The following FGF12 variants were observed in gnomAD, a reference collection of about 807,000 sequenced individuals.
FGF12 encodes fibroblast growth factor 12.
In FGF12, 14 loss-of-function variants were observed where a neutral mutation model predicts 23.6. That is an observed-to-expected ratio of 0.59 (90% CI 0.39 to 0.93). The LOEUF is 0.93. Ranked by LOEUF, FGF12 falls within the 40% of genes least tolerant of loss-of-function variation. The pLI is 0.00. For missense variants in FGF12, 175 were observed against 217.8 expected, an observed-to-expected ratio of 0.80 and a Z score of 1.24; for synonymous variants, 62 against 77.3, an observed-to-expected ratio of 0.80 and a Z score of 1.04.
At chr3:192,458,472 C>G (rs1018930540) in intron 2 of FGF12, among the ~76,000 whole-genome samples, 4 of 152,166 alleles carry the variant, frequency 2.6e-5, no homozygotes, top group African/African-American at 9.6e-5. Flanking sequence ...GACCTGGAGT[C>G]AAAGGAAATC....
At chr3:192,224,871 A>G (rs1718654211) in intron 4 of FGF12, among the ~76,000 whole-genome samples, 1 of 152,156 alleles carries the variant, frequency 6.6e-6, no homozygotes, top group Non-Finnish European at 1.5e-5. Context: ...AGGTTACAGC[A>G]GTAGTTTTAA....
At chr3:192,589,927 T>C (rs1304300577) in intron 2 of FGF12, among the ~76,000 whole-genome samples, 3 of 151,932 alleles carry the variant, frequency 2.0e-5, no homozygotes, top group African/African-American at 7.2e-5. Context: ...TAGTGATTGT[T>C]CAGCACCTGT....
intron 2 of FGF12, among the ~76,000 whole-genome samples, chr3:192,711,430 A>G (rs553350583): frequency 1.5e-3 from 219 of 150,526 alleles, no homozygotes; most frequent in Admixed American, 2.6e-3. Flanking sequence ...CCCGGCCGCC[A>G]CCCCGTCTGG....
intron 2 of FGF12, among the ~76,000 whole-genome samples, chr3:192,554,652 G>A (rs910600166): frequency 6.6e-6 from 1 of 151,912 alleles, no homozygotes; most frequent in Non-Finnish European, 1.5e-5. Flanking sequence ...AAGTTATAAG[G>A]CACATAATAA....
rs185232242 is a variant in FGF12 at position 192,503,185 on chromosome 3, T to C, written c.14-142647A>G. Among the ~76,000 whole-genome samples the C allele has an allele frequency of 6.4e-3, 970 of 152,348 alleles. 8 individuals carry two copies. Among genetic ancestry groups the C allele is most frequent in the Non-Finnish European group, 8.6e-3 (588 of 68,028 alleles). On this transcript the variant is annotated intron_variant, in intron 2 of 5. Coordinates refer to ENST00000445105, the MANE Select transcript of FGF12 (RefSeq NM_004113.6). ...GCAAGAAAATGAAAAATCGGCAGTC[T>C]ACTCAATGAGCCCAGCTGTCAGGAC...
At chr3:192,545,578 C>T (rs1025514945) in intron 2 of FGF12, among the ~76,000 whole-genome samples, 1 of 152,248 alleles carries the variant, frequency 6.6e-6, no homozygotes, top group African/African-American at 2.4e-5. Flanking sequence ...TATCCCGAGG[C>T]GAGTGACACA....
chr3:192,222,830 G>T lies in FGF12; in HGVS notation c.229-52174C>A, dbSNP rs528707754. Among the ~76,000 whole-genome samples the T allele has an allele frequency of 9.2e-5, 14 of 152,196 alleles. No homozygotes were observed. In the East Asian group the frequency reaches 2.3e-3, roughly 25 times the overall value. On this transcript the variant is annotated intron_variant, in intron 4 of 5. Coordinates refer to ENST00000445105, the MANE Select transcript of FGF12 (RefSeq NM_004113.6). ...GTGCTCATCCTGGCTCTTTGTAAAT[G>T]CAGGATGAAACTCAGCACACTTTCA...
intron 2 of FGF12, among the ~76,000 whole-genome samples, chr3:192,679,327 G>C (rs890212626): frequency 6.6e-6 from 1 of 152,162 alleles, no homozygotes; most frequent in Non-Finnish European, 1.5e-5. Context: ...GCCAGGCATG[G>C]TGGTTCAATC....
chr3:192,346,243 T>G (rs1717953486), intron 3 of FGF12, among the ~76,000 whole-genome samples: 1 of 152,196 alleles, frequency 6.6e-6, no homozygotes, highest in African/African-American at 2.4e-5. Context: ...AAGTGTCAGT[T>G]AAGACACTCT....
intron 5 of FGF12, among the ~76,000 whole-genome samples, chr3:192,156,670 C>T (rs949203515): frequency 1.3e-5 from 2 of 151,602 alleles, no homozygotes; most frequent in Non-Finnish European, 2.9e-5. Context: ...TCTTTCTATT[C>T]ATTTGTCAAG....
Position 192,274,579 on chromosome 3 carries a change from GAGAGAAGAGGGGAA to G in FGF12, c.228+60768_228+60781del, listed in dbSNP as rs1370438414. On this transcript the variant is annotated intron_variant, in intron 4 of 5. Coordinates refer to ENST00000445105, the MANE Select transcript of FGF12 (RefSeq NM_004113.6). ...GCAAGAAAGAGAGGAAGAGAGAGGA[GAGAGAAGAGGGGAA>G]AGAGAGAGAGATAGAATATAGAAGA... Among the ~76,000 whole-genome samples the G allele has an allele frequency of 1.3e-4, 19 of 141,688 alleles. No homozygotes were observed. In the East Asian group the frequency reaches 5.5e-3, roughly 41 times the overall value. The allele number at this position is 141,688 out of a possible 152,430, so 93.0% of individuals were successfully genotyped here. A position where few individuals can be genotyped will look rare whatever the true frequency, so the allele number is the denominator to read the frequency against.
chr3:192,643,894 G>T (rs571816564), intron 2 of FGF12, among the ~76,000 whole-genome samples: 60 of 152,132 alleles, frequency 3.9e-4, no homozygotes, highest in East Asian at 1.2e-3. Flanking sequence ...AAAATAAATG[G>T]GTCTTGATTT....
rs1179414285 is a variant in FGF12, at chr3:192,342,632, G to T, written c.125-7168C>A. The stretch of plus-strand genomic sequence containing the variant: ...TAAAAATAAAAACAAAAATAATTTA[G>T]TCAGGTATGTGTGTGTGCCTGTGGT... On this transcript the variant is annotated intron_variant, in intron 3 of 5. Coordinates refer to ENST00000445105, the MANE Select transcript of FGF12 (RefSeq NM_004113.6). Among the ~76,000 whole-genome samples, 5 of 151,916 alleles carry T rather than the reference G, an allele frequency of 3.3e-5. No homozygotes were observed. The East Asian group carries it at 9.7e-4, about 29-fold the overall frequency.
chr3:192,475,333 T>A, intron 2 of FGF12, among the ~76,000 whole-genome samples: 1 of 152,134 alleles, frequency 6.6e-6, no homozygotes, highest in East Asian at 1.9e-4. Flanking sequence ...CTTCCGCCCA[T>A]ATCCAAGGAA....
At chr3:192,221,736 A>G (rs1271509893) in intron 4 of FGF12, among the ~76,000 whole-genome samples, 1 of 152,212 alleles carries the variant, frequency 6.6e-6, no homozygotes, top group Non-Finnish European at 1.5e-5. Context: ...ATTCAGGTCA[A>G]CAAAGATTTA....
At chr3:192,373,757 T>C (rs997028719) in intron 2 of FGF12, among the ~76,000 whole-genome samples, 1 of 152,292 alleles carries the variant, frequency 6.6e-6, no homozygotes, top group Non-Finnish European at 1.5e-5. Flanking sequence ...GACTGTGACA[T>C]AGAGGCTAAG....
At chr3:192,678,563 G>A (rs971893555) in intron 2 of FGF12, among the ~76,000 whole-genome samples, 2 of 152,096 alleles carry the variant, frequency 1.3e-5, no homozygotes, top group African/African-American at 4.8e-5. Flanking sequence ...GTTTCTCATC[G>A]ATGACAATTT....
intron 2 of FGF12, among the ~76,000 whole-genome samples, chr3:192,549,744 T>C (rs909996919): frequency 6.6e-6 from 1 of 152,184 alleles, no homozygotes; most frequent in Non-Finnish European, 1.5e-5. Context: ...AAGAGGGAAC[T>C]CCTTCTGTCT....
chr3:192,476,648 G>C (rs1418612217), intron 2 of FGF12, among the ~76,000 whole-genome samples: 2 of 152,112 alleles, frequency 1.3e-5, no homozygotes, highest in African/African-American at 4.8e-5. Flanking sequence ...TCAAACTTTG[G>C]GATCTGAGAA....
Sources: allele counts gnomAD v4.1 joint callset (sites outside exome capture counted in the v4.1 genomes callset), GRCh38; gene constraint gnomAD v4.1.1; transcripts MANE v1.5; gene names NCBI Gene and HGNC (gene_info 2026-07-23, HGNC 2026-07-21).